Variants in ROCK1 observed in about 807,000 individuals in gnomAD.
ROCK1 encodes the protein rho-associated protein kinase 1.
Under a neutral mutation model 196.8 loss-of-function variants are expected in ROCK1, and 36 were observed. The ratio of observed to expected loss-of-function variants is 0.18; its 90% CI spans 0.14 to 0.24. The LOEUF (loss-of-function observed/expected upper bound fraction) is 0.24, where lower values mean the gene tolerates loss of function less well. ROCK1 is among the 10% of genes least tolerant of loss of function. The pLI is 1.00. For synonymous variants in ROCK1, 443 were observed against 515.9 expected (o/e 0.86, Z 1.91); for missense variants, 920 against 1,562.0 (o/e 0.59, Z 6.93).
At chr18:20,959,130 T>TATATTATATATAATATATATAATATTA (rs1568367503) in intron 29 of ROCK1, among the ~76,000 whole-genome samples, 2 of 50,428 alleles carry the variant, frequency 4.0e-5, no homozygotes, top group Admixed American at 4.0e-4. Flanking sequence ...AATATATATA[T>TATATTATATATAATATATATAATATTA]TATATATATT....
intron 2 of ROCK1, among the ~76,000 whole-genome samples, chr18:21,053,889 CG>C (rs2036225482): frequency 6.6e-6 from 1 of 152,116 alleles, no homozygotes; most frequent in Non-Finnish European, 1.5e-5. Flanking sequence ...TTGACACATG[CG>C]TATGTACTGG....
intron 1 of ROCK1, among the ~76,000 whole-genome samples, chr18:21,081,612 T>C (rs2036483355): frequency 6.6e-6 from 1 of 152,074 alleles, no homozygotes; most frequent in Admixed American, 6.6e-5. Context: ...TTGGCACATA[T>C]TTGGTTAAGC....
intron 1 of ROCK1, among the ~76,000 whole-genome samples, chr18:21,074,944 T>C (rs543240329): frequency 2.6e-5 from 4 of 151,636 alleles, no homozygotes; most frequent in Admixed American, 2.6e-4. Flanking sequence ...AATCTAGAGG[T>C]GAAAAGCAAC....
At chr18:20,969,699 C>A (rs2035408062) in intron 23 of ROCK1, among the ~76,000 whole-genome samples, 2 of 152,040 alleles carry the variant, frequency 1.3e-5, no homozygotes, top group Non-Finnish European at 2.9e-5. Context: ...TCATAACAAT[C>A]ATGTGGAAGA....
In ROCK1 at chr18:21,042,088, A is replaced by G. The variant is rs771122888; in HGVS notation, c.959+9T>C. The G allele has an allele frequency of 6.3e-7, 1 of 1,595,620 alleles. No individual in the cohort carries two copies. The highest frequency in any genetic ancestry group is 8.5e-7 in the Non-Finnish European group (1 of 1,175,058). ...GAATTAATACAGGCTCAGTTTTAAAATTATTTACCTGTCAGTAAGGAAGGC... is the reference window on the plus strand; with the variant it reads ...GAATTAATACAGGCTCAGTTTTAAAGTTATTTACCTGTCAGTAAGGAAGGC... On this transcript the variant is annotated intron_variant, in intron 8 of 32. Coordinates refer to ENST00000399799, the MANE Select transcript of ROCK1 (RefSeq NM_005406.3).
In ROCK1 at chr18:20,948,818, A is replaced by G. The variant is rs1405505053; in HGVS notation, c.*2566T>C. 6 of 152,202 alleles carry G rather than the reference A, an allele frequency of 3.9e-5. No homozygotes were observed. The allele number at this position is 152,202 out of a possible 1,614,324, so 9.4% of individuals were successfully genotyped here. A position where few individuals can be genotyped will look rare whatever the true frequency, so the allele number is the denominator to read the frequency against. ...TGAGATGCAGGCTGTGCTAAATGCC[A>G]GCAAGCAGGGTCATGGAAGTGCCTT... On this transcript the variant is annotated 3_prime_UTR_variant, in exon 33 of 33. Coordinates refer to ENST00000399799, the MANE Select transcript of ROCK1 (RefSeq NM_005406.3).
intron 1 of ROCK1, among the ~76,000 whole-genome samples, chr18:21,076,158 T>C (rs1374898288): frequency 6.6e-6 from 1 of 152,114 alleles, no homozygotes; most frequent in Non-Finnish European, 1.5e-5. Context: ...CATTTAAACA[T>C]CACTGATGGT....
chr18:21,091,624 A>G (rs1055502542), intron 1 of ROCK1, among the ~76,000 whole-genome samples: 1 of 151,852 alleles, frequency 6.6e-6, no homozygotes, highest in African/African-American at 2.4e-5. Flanking sequence ...AACTATGTAC[A>G]TATATCACAA....
intron 16 of ROCK1, among the ~76,000 whole-genome samples, chr18:20,994,062 T>C (rs1463419650): frequency 6.6e-6 from 1 of 152,182 alleles, no homozygotes; most frequent in Non-Finnish European, 1.5e-5. Context: ...AACAAATAAA[T>C]ATTAAATCTT....
chr18:21,048,891 A>G (rs1250142185), intron 4 of ROCK1, among the ~76,000 whole-genome samples: 1 of 152,202 alleles, frequency 6.6e-6, no homozygotes, highest in Non-Finnish European at 1.5e-5. Context: ...TATAAATTCT[A>G]CAGAAGCATG....
chr18:21,020,160 T>C lies in ROCK1; in HGVS notation c.1352A>G (p.Gln451Arg). 6.3e-7 allele frequency: 1 copy of C among 1,591,918 alleles called. No homozygotes were observed. The highest frequency in any genetic ancestry group is 8.5e-7 in the Non-Finnish European group (1 of 1,170,266). The change falls in exon 12 of 33, where the codon CAG becomes CGG. Residue 451 changes from glutamine to arginine, a missense_variant. By Grantham distance (43) the Gln-to-Arg change is conservative. Around this residue, in one of 6 missense-constraint regions of ROCK1, gnomAD observed 520 missense variants for 657.1 expected, o/e 0.79. Coordinates refer to ENST00000399799, the MANE Select transcript of ROCK1 (RefSeq NM_005406.3). ...TAAAGTATATTCTCACCTGCACTTC[T>C]GCTCCATTTCATCTTTTAACTGCAT... is the stretch of plus-strand genomic sequence containing the variant. Reference protein sequence around the residue: ...NEMQLKDEMEQKCRTSNIKLD... With the variant: ...NEMQLKDEMERKCRTSNIKLD...
chr18:21,009,166 CTTTTTTTT>C (rs59587626), intron 13 of ROCK1, among the ~76,000 whole-genome samples: 1 of 122,026 alleles, frequency 8.2e-6, no homozygotes, highest in African/African-American at 3.0e-5. Flanking sequence ...TTGAGACAGG[CTTTTTTTT>C]TTTTTTTTTT....
chr18:20,999,942 G>T (rs1474530257), intron 16 of ROCK1, among the ~76,000 whole-genome samples: 1 of 152,180 alleles, frequency 6.6e-6, no homozygotes, highest in Non-Finnish European at 1.5e-5. Flanking sequence ...ATTTAATATT[G>T]TTAAGATGGC....
chr18:20,961,865 A>G (rs2035331006), intron 27 of ROCK1, among the ~76,000 whole-genome samples: 1 of 126,114 alleles, frequency 7.9e-6, no homozygotes, highest in African/African-American at 3.1e-5. Flanking sequence ...TACGTTGTCC[A>G]GGCTGGCCTC....
At position 20,967,857 on chromosome 18, in the gene ROCK1, C is replaced by A. The variant is rs760311840; in HGVS notation, c.3087G>T (p.Lys1029Asn). The change falls in exon 26 of 33, where the codon AAG becomes AAT. Residue 1029 changes from lysine (K) to asparagine (N), a missense_variant. By Grantham distance (94) the Lys-to-Asn change is moderately conservative. Transcript: ENST00000399799. The stretch of plus-strand genomic sequence containing the variant: ...GCAGCTTTCGATTTTCCTTTTCTTT[C>A]TTTCTCAAATCTTGTGTATTAGCTT... ...RKKANTQDLRKKEKENRKLQL... is the reference protein window; with the variant it reads ...RKKANTQDLRNKEKENRKLQL... The A allele has an allele frequency of 6.2e-7, 1 of 1,608,512 alleles. No homozygotes were observed. The highest frequency in any genetic ancestry group is 8.5e-7 in the Non-Finnish European group (1 of 1,176,858).
At chr18:21,060,276 C>T (rs2036277628) in intron 2 of ROCK1, among the ~76,000 whole-genome samples, 1 of 152,098 alleles carries the variant, frequency 6.6e-6, no homozygotes, top group African/African-American at 2.4e-5. Flanking sequence ...ACAAAAAGCA[C>T]AATCAATGCA....
rs1309559036 is a variant in ROCK1, at chr18:20,948,746, A to C, written c.*2638T>G. The C allele has an allele frequency of 1.3e-5, 2 of 151,956 alleles. No homozygotes were observed. The highest frequency in any genetic ancestry group is 4.8e-5 in the African/African-American group (2 of 41,266). 9.4% of individuals were successfully genotyped at this position (151,956 alleles called of 1,614,324 possible). On this transcript the variant is annotated 3_prime_UTR_variant, in exon 33 of 33. Coordinates refer to ENST00000399799, the MANE Select transcript of ROCK1 (RefSeq NM_005406.3). ...GACTTTCTTGCAGCTAGGGGTCTGG[A>C]TGTGATTTAATTTTGGCCACGTAGA...
chr18:21,007,991 C>G, intron 14 of ROCK1, 68 bp downstream of exon 14: 1 of 1,274,248 alleles, frequency 7.8e-7, no homozygotes, highest in Non-Finnish European at 1.1e-6. Context: ...ATCATGGACA[C>G]TAAATTAAAG....
intron 20 of ROCK1, 67 bp from the exon 21 acceptor site, chr18:20,982,899 T>C: frequency 2.9e-6 from 2 of 694,928 alleles, no homozygotes; most frequent in Non-Finnish European, 5.1e-6. Context: ...TTTTTCTTAG[T>C]TTGTTAAAGT....
Sources: gnomAD v4.1 joint callset for allele counts (sites outside exome capture counted in the v4.1 genomes callset) on GRCh38, gnomAD v4.1.1 for gene constraint, gnomAD v4.1.1 regional missense constraint, MANE v1.5 for transcripts, NCBI Gene and HGNC (gene_info 2026-07-23, HGNC 2026-07-21) for gene names.